Variants in CSMD3 observed in about 807,000 individuals in gnomAD.
CSMD3 encodes CUB and Sushi multiple domains 3, also known as CUB and sushi domain-containing protein 3.
A neutral mutation model predicts 435.2 loss-of-function variants in CSMD3; 177 were observed. That is an observed-to-expected ratio of 0.41 (90% CI 0.36 to 0.46). The LOEUF is 0.46. Among genes scored for constraint, CSMD3 ranks in the 20% least tolerant of loss-of-function variants. The pLI is 0.34. For missense variants in CSMD3, 4,265 were observed against 4,504.6 expected (o/e 0.95, Z 1.52); for synonymous variants, 1,656 against 1,520.5 (o/e 1.09, Z -2.07).
At chr8:112,599,247 A>C (rs1832076687) in intron 22 of CSMD3, among the ~76,000 whole-genome samples, 1 of 151,466 alleles carries the variant, frequency 6.6e-6, no homozygotes, top group South Asian at 2.1e-4. Context: ...ACATTTATGC[A>C]GCCAAAAAAC....
chr8:113,195,810 T>TACACAC (rs1220655144), intron 3 of CSMD3, among the ~76,000 whole-genome samples: 42 of 141,710 alleles, frequency 3.0e-4, no homozygotes, highest in African/African-American at 1.0e-3. Context: ...TATATATATA[T>TACACAC]ATATACACAC....
intron 1 of CSMD3, among the ~76,000 whole-genome samples, chr8:113,337,197 G>T (rs1267576444): frequency 1.3e-5 from 2 of 152,036 alleles, no homozygotes; most frequent in African/African-American, 2.4e-5. Flanking sequence ...GCAAAATGTT[G>T]TTCTTTAGAT....
chr8:112,937,881 T>A (rs1316804846), intron 9 of CSMD3, among the ~76,000 whole-genome samples: 1 of 151,960 alleles, frequency 6.6e-6, no homozygotes, highest in Non-Finnish European at 1.5e-5. Context: ...GATTGATGAT[T>A]AAAAAAAGAT....
rs1816648901 is a variant in CSMD3 at position 112,263,619 on chromosome 8, T to A, written c.9862+20A>T. ...ATTTGAAAATTTTAAGTAACAGTTG[T>A]TAGTAGAAATCATACTTACGTAAGC... On this transcript the variant is annotated intron_variant, in intron 61 of 70. Transcript: ENST00000297405. 1.2e-6 allele frequency: 2 copies of A among 1,609,322 alleles called. No individual in the cohort carries two copies. The highest frequency in any genetic ancestry group is 2.7e-5 in the African/African-American group (2 of 74,872).
In CSMD3 at chr8:112,454,456, C is replaced by T. The variant is rs374958334; in HGVS notation, c.5395+18135G>A. 8.5e-5 allele frequency among the ~76,000 whole-genome samples: 13 copies of T among 152,238 alleles called. 1 individual carries two copies. In the East Asian group the frequency reaches 2.1e-3, roughly 25 times the overall value. On this transcript the variant is annotated intron_variant, in intron 32 of 70. Transcript: ENST00000297405. ...ACTCCACCAAAACATGGGCAAATAA[C>T]ATGAACAGGCATTTCTCAAAATATT...
At chr8:112,627,603 G>T (rs957302280) in intron 22 of CSMD3, among the ~76,000 whole-genome samples, 7 of 152,164 alleles carry the variant, frequency 4.6e-5, no homozygotes, top group Admixed American at 4.6e-4. Context: ...AAGATTTATA[G>T]TCAGAGCATA....
chr8:113,006,433 T>C (rs933470843), intron 6 of CSMD3, among the ~76,000 whole-genome samples: 1 of 152,136 alleles, frequency 6.6e-6, no homozygotes. Context: ...GAAAAAGTAG[T>C]GGAAGAGTGA....
rs1383485193 is a variant in CSMD3 at position 113,025,431 on chromosome 8, AT to A, written c.918-6253del. Among the ~76,000 whole-genome samples, 13 of 152,276 alleles carry A rather than the reference AT, an allele frequency of 8.5e-5. 1 individual carries two copies. Among genetic ancestry groups the A allele is most frequent in the African/African-American group, 3.1e-4 (13 of 41,550 alleles). ...CTCTGGACTGCAAAAACTTACGGTA[AT>A]AATGGCCACCATGATAGTTTCAGAC... On this transcript the variant is annotated intron_variant, in intron 5 of 70. Coordinates refer to ENST00000297405, the MANE Select transcript of CSMD3 (RefSeq NM_198123.2).
In CSMD3 at chr8:113,307,395, A is replaced by C. The variant is rs984303175; in HGVS notation, c.401+7176T>G. ...TAGACTCCTTCACATCTTCAAGAAG[A>C]ATCACAGATCTAAATATAAAGCTAA... On this transcript the variant is annotated intron_variant, in intron 2 of 70. Coordinates refer to ENST00000297405, the MANE Select transcript of CSMD3 (RefSeq NM_198123.2). 7.2e-5 allele frequency among the ~76,000 whole-genome samples: 11 copies of C among 152,172 alleles called. 1 individual carries two copies. The highest frequency in any genetic ancestry group is 7.2e-4 in the Admixed American group (11 of 15,280).
At position 113,430,494 on chromosome 8, in the gene CSMD3, T is replaced by C. The variant is rs1443175920; in HGVS notation, c.178+6183A>G. Among the ~76,000 whole-genome samples the C allele has an allele frequency of 3.3e-5, 5 of 152,322 alleles. No homozygotes were observed. The East Asian group carries it at 9.6e-4, about 29-fold the overall frequency. Reference sequence around the variant, plus strand: ...TCCAGAGCCCTTGCTCTTTCCACTTTACTGTAGGGTCGCTCAAATTTTAGA... The same window carrying C: ...TCCAGAGCCCTTGCTCTTTCCACTTCACTGTAGGGTCGCTCAAATTTTAGA... On this transcript the variant is annotated intron_variant, in intron 1 of 70. Coordinates refer to ENST00000297405, the MANE Select transcript of CSMD3 (RefSeq NM_198123.2).
chr8:112,954,147 T>A (rs2083924662), intron 8 of CSMD3, among the ~76,000 whole-genome samples: 1 of 151,530 alleles, frequency 6.6e-6, no homozygotes, highest in Non-Finnish European at 1.5e-5. Context: ...TTCAGGCCAT[T>A]TTTAAAGATT....
intron 4 of CSMD3, among the ~76,000 whole-genome samples, chr8:113,145,256 T>C (rs1305481124): frequency 6.6e-6 from 1 of 151,588 alleles, no homozygotes; most frequent in Non-Finnish European, 1.5e-5. Flanking sequence ...TCAAGTGAGA[T>C]GTAATGCAAT....
intron 2 of CSMD3, among the ~76,000 whole-genome samples, chr8:113,305,232 C>T (rs1252162872): frequency 6.6e-6 from 1 of 151,456 alleles, no homozygotes; most frequent in East Asian, 1.9e-4. Context: ...AGCGCACCAG[C>T]GTGGCACATG....
chr8:113,113,866 G>C (rs997812377), intron 4 of CSMD3, among the ~76,000 whole-genome samples: 6 of 152,136 alleles, frequency 3.9e-5, no homozygotes, highest in Non-Finnish European at 5.9e-5. Context: ...ACCCAAACTA[G>C]TTAAGATGCT....
intron 45 of CSMD3, among the ~76,000 whole-genome samples, chr8:112,322,329 G>T (rs1411482549): frequency 6.6e-6 from 1 of 151,980 alleles, no homozygotes; most frequent in Non-Finnish European, 1.5e-5. Flanking sequence ...TACTAAAGAA[G>T]ACTATGATGC....
At chr8:112,594,627 G>A (rs1190737006) in intron 22 of CSMD3, among the ~76,000 whole-genome samples, 3 of 152,190 alleles carry the variant, frequency 2.0e-5, no homozygotes, top group African/African-American at 7.2e-5. Context: ...TGACAGCTTT[G>A]AAGAGAGTAG....
chr8:112,329,696 A>G (rs1364137543), intron 45 of CSMD3, among the ~76,000 whole-genome samples: 1 of 152,186 alleles, frequency 6.6e-6, no homozygotes, highest in Non-Finnish European at 1.5e-5. Flanking sequence ...TGGAGGCAAC[A>G]GAAAGTAAGA....
At chr8:113,390,803 C>T (rs901507158) in intron 1 of CSMD3, among the ~76,000 whole-genome samples, 1 of 151,930 alleles carries the variant, frequency 6.6e-6, no homozygotes, top group African/African-American at 2.4e-5. Context: ...TGAGTTTACA[C>T]ATTTATTCTA....
At chr8:112,523,421 G>GT (rs1250170396) in intron 27 of CSMD3, among the ~76,000 whole-genome samples, 13 of 151,932 alleles carry the variant, frequency 8.6e-5, no homozygotes, top group African/African-American at 2.9e-4. Flanking sequence ...CTCTGTATAG[G>GT]TTTTCTAAGC....
Sources: allele counts gnomAD v4.1 joint callset (sites outside exome capture counted in the v4.1 genomes callset), GRCh38; gene constraint gnomAD v4.1.1; transcripts MANE v1.5; gene names NCBI Gene and HGNC (gene_info 2026-07-23, HGNC 2026-07-21).